Variants in CUX1 observed in about 807,000 individuals in gnomAD.
The protein encoded by CUX1 is cut like homeobox 1.
CUX1 carries 31 observed loss-of-function variants against 158.8 expected under a neutral mutation model. The ratio of observed to expected loss-of-function variants is 0.20; its 90% CI spans 0.15 to 0.26. CUX1 has a LOEUF of 0.26. Among genes scored for constraint, CUX1 ranks in the 10% least tolerant of loss-of-function variants. CUX1 has a pLI of 1.00. For synonymous variants in CUX1, 879 were observed against 862.1 expected, an observed-to-expected ratio of 1.02 and a Z score of -0.34; for missense variants, 1,589 against 2,014.6, an observed-to-expected ratio of 0.79 and a Z score of 4.04.
At chr7:101,938,201 C>G (rs1399407000) in intron 2 of CUX1, among the ~76,000 whole-genome samples, 1 of 151,968 alleles carries the variant, frequency 6.6e-6, no homozygotes, top group African/African-American at 2.4e-5. Context: ...CAGCCTCAAC[C>G]TCCCAGGTTC....
chr7:102,024,764 C>T (rs1030907218), intron 2 of CUX1, among the ~76,000 whole-genome samples: 2 of 152,112 alleles, frequency 1.3e-5, no homozygotes, highest in African/African-American at 2.4e-5. Flanking sequence ...TTTACGCCTT[C>T]CACACTCTTT....
intron 2 of CUX1, among the ~76,000 whole-genome samples, chr7:101,987,672 C>T (rs973305886): frequency 2.0e-5 from 3 of 152,212 alleles, no homozygotes; most frequent in African/African-American, 7.2e-5. Flanking sequence ...CTTTCCCGGC[C>T]GCTGCGGTGT....
intron 2 of CUX1, chr7:101,960,988 G>A (rs1233004958): frequency 3.3e-5 from 5 of 152,382 alleles, no homozygotes; most frequent in African/African-American, 1.2e-4. Context: ...TTGAGATGCA[G>A]GAGAGGGAGC....
intron 4 of CUX1, 66 bp from the exon 5 acceptor site, chr7:102,097,298 T>G (rs1829295913): frequency 1.9e-6 from 3 of 1,540,822 alleles, no homozygotes; most frequent in Non-Finnish European, 1.7e-6. Context: ...TCTGAGCCTG[T>G]GTACCGCCGT....
chr7:102,029,527 G>A (rs1241907843), intron 3 of CUX1, among the ~76,000 whole-genome samples: 1 of 152,172 alleles, frequency 6.6e-6, no homozygotes, highest in Non-Finnish European at 1.5e-5. Context: ...AGAGCAGGGA[G>A]TGAGTGAATG....
Position 102,073,680 on chromosome 7 carries a change from C to G in CUX1, c.268+3263C>G, listed in dbSNP as rs371347086. ...TCCTCTTTACCTGAGCCAACCTTGT[C>G]CATGTACATGTACAAATTTTATAGA... On this transcript the variant is annotated intron_variant, in intron 4 of 23. Transcript: ENST00000292535. Among the ~76,000 whole-genome samples, 5 of 152,162 alleles carry G rather than the reference C, an allele frequency of 3.3e-5. No homozygotes were observed. The East Asian group carries it at 7.7e-4, about 23-fold the overall frequency.
intron 3 of CUX1, among the ~76,000 whole-genome samples, chr7:102,058,174 A>G (rs1291587513): frequency 6.6e-6 from 1 of 152,264 alleles, no homozygotes; most frequent in Non-Finnish European, 1.5e-5. Flanking sequence ...GAGCTATTAC[A>G]TACTTAATAG....
At chr7:101,920,364 C>T (rs1220086335) in intron 2 of CUX1, among the ~76,000 whole-genome samples, 1 of 151,986 alleles carries the variant, frequency 6.6e-6, no homozygotes, top group African/African-American at 2.4e-5. Context: ...CCTTGTGATC[C>T]ACCCGCCTCA....
chr7:102,255,469 G>A lies in CUX1; in HGVS notation c.*6427G>A, dbSNP rs182386630. The A allele has an allele frequency of 4.2e-3, 4,144 of 984,546 alleles. 23 individuals carry two copies. Among genetic ancestry groups the A allele is most frequent in the South Asian group, 0.021 (447 of 21,246 alleles). 61.0% of individuals were successfully genotyped at this position (984,546 alleles called of 1,614,324 possible). On this transcript the variant is annotated 3_prime_UTR_variant, in exon 24 of 24. Coordinates refer to ENST00000292535, the MANE Select transcript of CUX1 (RefSeq NM_181552.4). The stretch of plus-strand genomic sequence containing the variant: ...AAATGTGCACTTCCCCCATGCCCCC[G>A]TTCTTAAACTCTTAAGATGCCTTTG...
intron 2 of CUX1, among the ~76,000 whole-genome samples, chr7:101,927,241 G>C (rs1292214060): frequency 3.9e-5 from 6 of 152,080 alleles, no homozygotes; most frequent in African/African-American, 1.4e-4. Flanking sequence ...TAGCAGTGGA[G>C]TCCCCCACAT....
intron 1 of CUX1, among the ~76,000 whole-genome samples, chr7:101,832,544 G>T (rs975748526): frequency 6.6e-6 from 1 of 152,134 alleles, no homozygotes; most frequent in Non-Finnish European, 1.5e-5. Context: ...CCCACACTTC[G>T]GCGTTGGACG....
intron 8 of CUX1, among the ~76,000 whole-genome samples, chr7:102,151,723 GTC>G: frequency 1.4e-5 from 1 of 69,306 alleles, no homozygotes; most frequent in Non-Finnish European, 2.3e-5. Context: ...GTGAGACTCT[GTC>G]TCAAAAAAAA....
At chr7:101,990,532 A>G (rs1814967578) in intron 2 of CUX1, among the ~76,000 whole-genome samples, 1 of 152,036 alleles carries the variant, frequency 6.6e-6, no homozygotes, top group African/African-American at 2.4e-5. Flanking sequence ...GCCCACCACC[A>G]TGTCTGGCTA....
intron 8 of CUX1, among the ~76,000 whole-genome samples, chr7:102,158,155 A>T (rs1554505867): frequency 6.6e-6 from 1 of 150,662 alleles, no homozygotes; most frequent in East Asian, 1.9e-4. Context: ...ATCCTTCAAA[A>T]CCCCACTTAC....
At chr7:101,970,555 TTTTC>T (rs1323822973) in intron 2 of CUX1, among the ~76,000 whole-genome samples, 1 of 152,128 alleles carries the variant, frequency 6.6e-6, no homozygotes, top group Non-Finnish European at 1.5e-5. Context: ...CATGTCTTTC[TTTTC>T]TTTCTTTCTT....
intron 2 of CUX1, among the ~76,000 whole-genome samples, chr7:102,008,361 C>G (rs1314714700): frequency 1.3e-5 from 2 of 152,000 alleles, no homozygotes; most frequent in South Asian, 4.2e-4. Context: ...AAAGCCCCCC[C>G]ACCTCTACTC....
At chr7:102,137,441 C>T (rs1403600493) in intron 8 of CUX1, among the ~76,000 whole-genome samples, 5 of 152,128 alleles carry the variant, frequency 3.3e-5, no homozygotes, top group Non-Finnish European at 7.4e-5. Context: ...TTCAAGACCA[C>T]ACTGGCCAAC....
At chr7:101,883,190 G>C (rs774510563) in intron 1 of CUX1, among the ~76,000 whole-genome samples, 1 of 152,174 alleles carries the variant, frequency 6.6e-6, no homozygotes, top group African/African-American at 2.4e-5. Flanking sequence ...TGGCACTCAT[G>C]TACCTTGATG....
intron 2 of CUX1, among the ~76,000 whole-genome samples, chr7:101,969,576 G>T (rs961258294): frequency 1.3e-5 from 2 of 152,136 alleles, no homozygotes; most frequent in South Asian, 4.1e-4. Flanking sequence ...TTTCCAGCGT[G>T]CAGGTTGATA....
Sources: allele counts gnomAD v4.1 joint callset (sites outside exome capture counted in the v4.1 genomes callset), GRCh38; gene constraint gnomAD v4.1.1; transcripts MANE v1.5; gene names NCBI Gene and HGNC (gene_info 2026-07-23, HGNC 2026-07-21).